The following ADAM29 variants were observed in gnomAD, a reference collection of about 807,000 sequenced individuals.
The protein encoded by ADAM29 is ADAM metallopeptidase domain 29.
For missense variants in ADAM29, 969 were observed against 1,001.8 expected (o/e 0.97, Z 0.44); for synonymous variants, 367 against 342.3 (o/e 1.07, Z -0.80).
intron 4 of ADAM29, among the ~76,000 whole-genome samples, chr4:174,948,564 T>A (rs1182518524): frequency 6.6e-6 from 1 of 152,132 alleles, no homozygotes; most frequent in Non-Finnish European, 1.5e-5. Flanking sequence ...CCTGGTACAC[T>A]AGCCACAACA....
chr4:174,928,694 A>G (rs1373337501), intron 2 of ADAM29, among the ~76,000 whole-genome samples: 1 of 152,182 alleles, frequency 6.6e-6, no homozygotes, highest in Non-Finnish European at 1.5e-5. Flanking sequence ...GACAGTTTTT[A>G]ATGACAAAGT....
chr4:174,968,833 G>A (rs956879697), intron 4 of ADAM29, among the ~76,000 whole-genome samples: 4 of 151,444 alleles, frequency 2.6e-5, no homozygotes, highest in Admixed American at 6.6e-5. Context: ...GATCGTGTTT[G>A]TCTTATATCT....
chr4:174,944,326 G>A (rs1227389666), intron 4 of ADAM29, among the ~76,000 whole-genome samples: 4 of 152,032 alleles, frequency 2.6e-5, no homozygotes, highest in African/African-American at 9.7e-5. Flanking sequence ...AGAAAGGAAA[G>A]ATAGTTTAAA....
chr4:174,954,660 C>T (rs903923237), intron 4 of ADAM29, among the ~76,000 whole-genome samples: 1 of 152,148 alleles, frequency 6.6e-6, no homozygotes, highest in Admixed American at 6.5e-5. Context: ...ACTGCATTAG[C>T]CTTTTTTACA....
At position 174,970,576 on chromosome 4, in the gene ADAM29, C is replaced by T. The variant is rs552761676; in HGVS notation, c.-180-4770C>T. On this transcript the variant is annotated intron_variant, in intron 4 of 4. Transcript: ENST00000359240. Reference sequence around the variant, plus strand: ...AGAAACTCAGTCCTGCTGACACTTTCGTTTTGGCCAATGAAACTCATTTTA... The same window carrying T: ...AGAAACTCAGTCCTGCTGACACTTTTGTTTTGGCCAATGAAACTCATTTTA... Among the ~76,000 whole-genome samples, 60 of 152,248 alleles carry T rather than the reference C, an allele frequency of 3.9e-4. No individual in the cohort carries two copies. In the South Asian group the frequency reaches 0.012, roughly 31 times the overall value.
chr4:174,940,639 T>C (rs1744481539), intron 4 of ADAM29, among the ~76,000 whole-genome samples: 1 of 152,166 alleles, frequency 6.6e-6, no homozygotes, highest in Admixed American at 6.5e-5. Flanking sequence ...AATTATTTAG[T>C]GACATTAATT....
chr4:174,971,165 T>C (rs755903652), intron 4 of ADAM29, among the ~76,000 whole-genome samples: 2 of 152,212 alleles, frequency 1.3e-5, no homozygotes, highest in Non-Finnish European at 2.9e-5. Context: ...TATGTATATG[T>C]ATATGAAAAC....
In ADAM29 at chr4:174,976,359, G is replaced by T; in HGVS notation, c.834G>T (p.Thr278=). Residue 278 remains threonine, a synonymous_variant, in exon 5 of 5, where the codon ACG becomes ACT. Coordinates refer to ENST00000359240, the MANE Select transcript of ADAM29 (RefSeq NM_014269.4). ...GCAAGTGGAAGTCGGAGAACATTAC[G>T]CCCCGGATGCAACATGACACCTCAC... ...LYCKWKSENI[T]PRMQHDTSHL... 6.2e-7 allele frequency: 1 copy of T among 1,605,814 alleles called. No homozygotes were observed. Among genetic ancestry groups the T allele is most frequent in the Non-Finnish European group, 8.5e-7 (1 of 1,176,880 alleles).
Position 174,975,778 on chromosome 4 carries a change from G to C in ADAM29, c.253G>C (p.Asp85His). Reference protein sequence around the residue: ...SKHLPVFTYTDQGAILEDQPF... With the variant: ...SKHLPVFTYTHQGAILEDQPF... ...ACACCTCCCTGTGTTCACCTACACA[G>C]ACCAGGGTGCTATCCTTGAGGACCA... is the stretch of plus-strand genomic sequence containing the variant. Residue 85 changes from aspartate to histidine, a missense_variant, in exon 5 of 5, where the codon GAC (aspartate) becomes CAC (histidine). Coordinates refer to ENST00000359240, the MANE Select transcript of ADAM29 (RefSeq NM_014269.4). The C allele has an allele frequency of 2.5e-6, 4 of 1,614,118 alleles. No homozygotes were observed. Among genetic ancestry groups the C allele is most frequent in the Non-Finnish European group, 3.4e-6 (4 of 1,180,020 alleles).
At chr4:174,926,397 G>A (rs923097268) in intron 2 of ADAM29, among the ~76,000 whole-genome samples, 2 of 151,898 alleles carry the variant, frequency 1.3e-5, no homozygotes, top group African/African-American at 4.8e-5. Flanking sequence ...CTCAAGTTCT[G>A]AAAATAAGAT....
intron 4 of ADAM29, among the ~76,000 whole-genome samples, chr4:174,956,674 T>C (rs998182371): frequency 2.0e-5 from 3 of 151,782 alleles, no homozygotes; most frequent in African/African-American, 7.3e-5. Context: ...TTTCTGGCCA[T>C]TGTACTAAGC....
chr4:174,971,144 A>G (rs752497047), intron 4 of ADAM29, among the ~76,000 whole-genome samples: 3 of 152,176 alleles, frequency 2.0e-5, no homozygotes, highest in Admixed American at 6.6e-5. Context: ...TTACTGTAGT[A>G]ATCATTTCAC....
intron 3 of ADAM29, among the ~76,000 whole-genome samples, chr4:174,932,443 C>T (rs1338069576): frequency 1.3e-5 from 2 of 152,114 alleles, no homozygotes; most frequent in Non-Finnish European, 1.5e-5. Context: ...GCTGCTATAA[C>T]CAAGTCTGTA....
intron 4 of ADAM29, among the ~76,000 whole-genome samples, chr4:174,944,275 A>T (rs575195938): frequency 6.6e-6 from 1 of 152,256 alleles, no homozygotes; most frequent in Admixed American, 6.5e-5. Context: ...AAACACATTC[A>T]TTTCAAGAAA....
intron 4 of ADAM29, among the ~76,000 whole-genome samples, chr4:174,962,320 GC>G (rs1222812144): frequency 6.6e-6 from 1 of 152,036 alleles, no homozygotes; most frequent in African/African-American, 2.4e-5. Flanking sequence ...GACCATCCTG[GC>G]TAACACGGTG....
chr4:174,947,126 C>T (rs1482385626), intron 4 of ADAM29, among the ~76,000 whole-genome samples: 1 of 150,144 alleles, frequency 6.7e-6, no homozygotes, highest in Non-Finnish European at 1.5e-5. Context: ...TTATTTGGAT[C>T]TCTCTCTCTC....
At chr4:174,925,310 T>A (rs921213330) in intron 2 of ADAM29, among the ~76,000 whole-genome samples, 1 of 152,136 alleles carries the variant, frequency 6.6e-6, no homozygotes, top group Non-Finnish European at 1.5e-5. Flanking sequence ...TAATGTAAGA[T>A]GTTTCTAATA....
rs114366167 is a variant in ADAM29, at chr4:174,977,749, C to T, written c.2224C>T (p.Gln742Ter). 8 of 1,604,122 alleles carry T rather than the reference C, an allele frequency of 5.0e-6. No homozygotes were observed. The East Asian group carries it at 1.8e-4, about 36-fold the overall frequency. ...SQPWVMPSQS[Q>*]PPVTPSQSHP... The stretch of plus-strand genomic sequence containing the variant: ...ACCTTGGGTGATGCCTTCCCAGAGT[C>T]AACCTCCTGTGACGCCTTCCCAGAG... Residue 742 changes from glutamine (Q) to a stop codon, truncating the protein, a stop_gained, in exon 5 of 5, where the codon CAA (glutamine) becomes TAA (stop). Transcript: ENST00000359240. LOFTEE classifies it low-confidence loss of function (END_TRUNC).
At chr4:174,965,520 T>TATCTATCTATC (rs780352831) in intron 4 of ADAM29, among the ~76,000 whole-genome samples, 2 of 140,630 alleles carry the variant, frequency 1.4e-5, no homozygotes, top group South Asian at 4.4e-4. Context: ...TCTATCTATC[T>TATCTATCTATC]ATCATCTATC....
Sources: allele counts gnomAD v4.1 joint callset (sites outside exome capture counted in the v4.1 genomes callset), GRCh38; gene constraint gnomAD v4.1.1; transcripts MANE v1.5; gene names NCBI Gene and HGNC (gene_info 2026-07-23, HGNC 2026-07-21).